Variants in SHISA6 observed in about 807,000 individuals in gnomAD.
The protein encoded by SHISA6 is shisa family member 6.
SHISA6 carries 22 observed loss-of-function variants against 47.9 expected under a neutral mutation model. The ratio of observed to expected loss-of-function variants is 0.46; its 90% CI spans 0.33 to 0.66. The LOEUF (loss-of-function observed/expected upper bound fraction) is 0.66, where lower values mean the gene tolerates loss of function less well. SHISA6 is among the 30% of genes least tolerant of loss of function. The pLI is 0.02. For missense variants in SHISA6, 680 were observed against 764.6 expected, an observed-to-expected ratio of 0.89 and a Z score of 1.30; for synonymous variants, 388 against 337.8, an observed-to-expected ratio of 1.15 and a Z score of -1.63.
intron 3 of SHISA6, among the ~76,000 whole-genome samples, chr17:11,423,524 C>A (rs187775126): frequency 2.8e-4 from 43 of 151,436 alleles, no homozygotes; most frequent in Non-Finnish European, 5.9e-4. Context: ...CCATCAATGT[C>A]AAAGTGAAAA....
At chr17:11,383,396 C>A (rs1266185693) in intron 3 of SHISA6, among the ~76,000 whole-genome samples, 3 of 152,180 alleles carry the variant, frequency 2.0e-5, no homozygotes, top group Non-Finnish European at 4.4e-5. Context: ...ATTAAATAGT[C>A]TCAAAGGAAG....
Position 11,551,962 on chromosome 17 carries a change from G to T in SHISA6, c.952+10G>T. 1 of 1,551,514 alleles carries T rather than the reference G, an allele frequency of 6.4e-7. No individual in the cohort carries two copies. Among genetic ancestry groups the T allele is most frequent in the Non-Finnish European group, 8.7e-7 (1 of 1,146,842 alleles). On this transcript the variant is annotated intron_variant, in intron 4 of 5. Coordinates refer to ENST00000441885, the MANE Select transcript of SHISA6 (RefSeq NM_207386.4). ...CAGATCCCGCCACATGGTGAGAGAT[G>T]ATTGAGAGCACTCTGCATTTCCTCC... is the stretch of plus-strand genomic sequence containing the variant.
At chr17:11,247,326 G>A (rs1014465182) in intron 1 of SHISA6, among the ~76,000 whole-genome samples, 2 of 152,110 alleles carry the variant, frequency 1.3e-5, no homozygotes, top group Non-Finnish European at 2.9e-5. Context: ...GATTTTCCAG[G>A]GGCTGGCAGA....
At chr17:11,495,109 T>G (rs1334364738) in intron 3 of SHISA6, among the ~76,000 whole-genome samples, 3 of 152,124 alleles carry the variant, frequency 2.0e-5, no homozygotes, top group African/African-American at 7.2e-5. Flanking sequence ...CCTGCCCCAG[T>G]AGATTTCTCA....
intron 3 of SHISA6, among the ~76,000 whole-genome samples, chr17:11,391,111 G>A (rs1174458740): frequency 6.6e-6 from 1 of 152,158 alleles, no homozygotes; most frequent in East Asian, 1.9e-4. Flanking sequence ...TCAGGTGGGG[G>A]AGCCTCCTAA....
At chr17:11,457,990 C>A (rs1476571384) in intron 3 of SHISA6, among the ~76,000 whole-genome samples, 1 of 148,706 alleles carries the variant, frequency 6.7e-6, no homozygotes, top group East Asian at 2.0e-4. Flanking sequence ...GAGGCTGAGG[C>A]AGGAGAATGG....
intron 3 of SHISA6, among the ~76,000 whole-genome samples, chr17:11,470,836 T>C (rs1915918328): frequency 6.6e-6 from 1 of 152,064 alleles, no homozygotes; most frequent in Non-Finnish European, 1.5e-5. Context: ...AGGGTGAGCA[T>C]AGGTTAGGGG....
intron 2 of SHISA6, among the ~76,000 whole-genome samples, chr17:11,296,914 G>A (rs1909771822): frequency 6.6e-6 from 1 of 152,164 alleles, no homozygotes; most frequent in South Asian, 2.1e-4. Flanking sequence ...TAAAGCCATG[G>A]AGGGGCTAAA....
intron 3 of SHISA6, among the ~76,000 whole-genome samples, chr17:11,510,011 A>G (rs533094595): frequency 2.0e-4 from 31 of 152,232 alleles, no homozygotes; most frequent in African/African-American, 7.0e-4. Flanking sequence ...AAGGCACCTA[A>G]GGGAAAACCG....
intron 2 of SHISA6, among the ~76,000 whole-genome samples, chr17:11,326,587 G>A (rs546250716): frequency 2.9e-4 from 44 of 152,274 alleles, no homozygotes; most frequent in East Asian, 3.9e-4. Flanking sequence ...TTTGGCCAGC[G>A]CCTCAACCTT....
intron 1 of SHISA6, among the ~76,000 whole-genome samples, chr17:11,255,405 C>T (rs1263459244): frequency 6.6e-6 from 1 of 152,138 alleles, no homozygotes. Context: ...ATAACTGAAT[C>T]TTTTACAGAA....
chr17:11,453,911 A>G (rs1456928967), intron 3 of SHISA6, among the ~76,000 whole-genome samples: 10 of 152,190 alleles, frequency 6.6e-5, no homozygotes, highest in Non-Finnish European at 1.5e-4. Flanking sequence ...AGGACGTACT[A>G]CACTCTGTTT....
chr17:11,454,382 T>G (rs1455675862), intron 3 of SHISA6, among the ~76,000 whole-genome samples: 3 of 152,182 alleles, frequency 2.0e-5, no homozygotes, highest in African/African-American at 4.8e-5. Flanking sequence ...CAGCCTGTTC[T>G]CCACAGAGCG....
rs1272467348 is a variant in SHISA6 at position 11,458,890 on chromosome 17, A to T, written c.895+79381A>T. 3.3e-5 allele frequency among the ~76,000 whole-genome samples: 5 copies of T among 152,050 alleles called. No individual in the cohort carries two copies. The East Asian group carries it at 9.7e-4, about 29-fold the overall frequency. On this transcript the variant is annotated intron_variant, in intron 3 of 5. Coordinates refer to ENST00000441885, the MANE Select transcript of SHISA6 (RefSeq NM_207386.4). ...GTTCCCATCGTTGGGTAGTTGTGAG[A>T]ATTAAAAGGAGTTATGGTGTAAAAG... is the stretch of plus-strand genomic sequence containing the variant.
At chr17:11,421,246 A>G (rs1183869155) in intron 3 of SHISA6, among the ~76,000 whole-genome samples, 1 of 152,236 alleles carries the variant, frequency 6.6e-6, no homozygotes, top group Admixed American at 6.5e-5. Flanking sequence ...TGTTTTCACA[A>G]TGAAATTTTA....
chr17:11,478,684 T>C (rs1207208967), intron 3 of SHISA6, among the ~76,000 whole-genome samples: 7 of 88,402 alleles, frequency 7.9e-5, no homozygotes, highest in African/African-American at 3.0e-4. Flanking sequence ...GGGAATCCTT[T>C]CCCCATTGCT....
At chr17:11,316,329 C>CT (rs66540376) in intron 2 of SHISA6, among the ~76,000 whole-genome samples, 74,820 of 103,494 alleles carry the variant, frequency 0.72, 26,586 homozygotes, top group Non-Finnish European at 0.77. Context: ...ATTTTCAGGT[C>CT]TTTTTTTTTT....
chr17:11,509,365 G>C (rs561985935), intron 3 of SHISA6, among the ~76,000 whole-genome samples: 1 of 152,184 alleles, frequency 6.6e-6, no homozygotes, highest in South Asian at 2.1e-4. Flanking sequence ...TGCACGCAGG[G>C]CTTTACCATT....
chr17:11,461,406 A>AC (rs1915686689), intron 3 of SHISA6, among the ~76,000 whole-genome samples: 1 of 148,498 alleles, frequency 6.7e-6, no homozygotes, highest in African/African-American at 2.6e-5. Context: ...CAAAAAAAAA[A>AC]AAAAAAAAAA....
Sources: allele counts gnomAD v4.1 joint callset (sites outside exome capture counted in the v4.1 genomes callset), GRCh38; gene constraint gnomAD v4.1.1; transcripts MANE v1.5; gene names NCBI Gene and HGNC (gene_info 2026-07-23, HGNC 2026-07-21).